VGLL4: variants seen among roughly 807,000 people sequenced by gnomAD.
VGLL4 encodes vestigial like family member 4.
VGLL4 carries 7 observed loss-of-function variants against 21.0 expected under a neutral mutation model. That is an observed-to-expected ratio of 0.33 (90% CI 0.19 to 0.63). VGLL4 has a LOEUF of 0.63. Ranked by LOEUF, VGLL4 falls within the 20% of genes least tolerant of loss-of-function variation. The pLI is 0.78. For synonymous variants in VGLL4, 222 were observed against 173.2 expected (o/e 1.28, Z -2.21); for missense variants, 394 against 425.7 (o/e 0.93, Z 0.66).
upstream of VGLL4, among the ~76,000 whole-genome samples, chr3:11,646,324 T>G (rs139281316): frequency 8.3e-3 from 1,271 of 152,326 alleles, 7 homozygotes; most frequent in Admixed American, 0.012. Flanking sequence ...TGGAGTACTC[T>G]TACTGTGCTA....
chr3:11,641,378 G>A (rs960280452), intron 1 of VGLL4, among the ~76,000 whole-genome samples: 1 of 152,056 alleles, frequency 6.6e-6, no homozygotes, highest in African/African-American at 2.4e-5. Flanking sequence ...TGGAATGCTG[G>A]GGAGCTGATA....
At chr3:11,590,302 C>A (rs1177438118) in intron 2 of VGLL4, among the ~76,000 whole-genome samples, 2 of 152,178 alleles carry the variant, frequency 1.3e-5, no homozygotes, top group African/African-American at 4.8e-5. Flanking sequence ...GATTTCAGTT[C>A]TCAGATGTGC....
chr3:11,712,084 T>A (rs533004762), intron 1 of VGLL4, among the ~76,000 whole-genome samples: 2 of 152,210 alleles, frequency 1.3e-5, no homozygotes, highest in African/African-American at 2.4e-5. Flanking sequence ...GCTAAAAATA[T>A]CTCTCATTTG....
chr3:11,601,116 T>A (rs188300164), intron 2 of VGLL4, among the ~76,000 whole-genome samples: 1 of 152,258 alleles, frequency 6.6e-6, no homozygotes, highest in Non-Finnish European at 1.5e-5. Flanking sequence ...AGCGGGAGGC[T>A]TTTCCAGTGG....
chr3:11,677,926 G>A (rs113092340), intron 2 of VGLL4, among the ~76,000 whole-genome samples: 2 of 120,838 alleles, frequency 1.7e-5, no homozygotes, highest in Non-Finnish European at 3.7e-5. Context: ...AAAAAAAAAA[G>A]GAAAAGAAAA....
intron 3 of VGLL4, among the ~76,000 whole-genome samples, chr3:11,561,828 G>C (rs188424015): frequency 6.6e-6 from 1 of 151,776 alleles, no homozygotes; most frequent in Non-Finnish European, 1.5e-5. Flanking sequence ...AGGCTGCCCC[G>C]GGGGAGAGGG....
chr3:11,696,634 TA>T, intron 2 of VGLL4, among the ~76,000 whole-genome samples: 1 of 152,354 alleles, frequency 6.6e-6, no homozygotes, highest in South Asian at 2.1e-4. Flanking sequence ...AAAATCAATG[TA>T]AGGAGCCATG....
chr3:11,632,511 A>G (rs1055700486), intron 1 of VGLL4, among the ~76,000 whole-genome samples: 2 of 152,200 alleles, frequency 1.3e-5, no homozygotes, highest in Non-Finnish European at 2.9e-5. Context: ...TTAACAGATC[A>G]AGGAAAAAAA....
At chr3:11,702,709 G>A (rs538889693) in intron 2 of VGLL4, 5 of 178,974 alleles carry the variant, frequency 2.8e-5, no homozygotes, top group South Asian at 2.6e-4. Flanking sequence ...ACCAGCCTGG[G>A]CAACACAGCA....
intron 2 of VGLL4, among the ~76,000 whole-genome samples, chr3:11,698,613 T>C (rs146996690): frequency 2.2e-4 from 34 of 152,306 alleles, no homozygotes; most frequent in African/African-American, 7.5e-4. Flanking sequence ...AATCTCAAGT[T>C]GTATTTCCAT....
rs920357243 is a variant in VGLL4 at position 11,719,248 on chromosome 3, G to A, written c.-14+1146C>T. Among the ~76,000 whole-genome samples, 9 of 152,004 alleles carry A rather than the reference G, an allele frequency of 5.9e-5. No individual in the cohort carries two copies. Among genetic ancestry groups the A allele is most frequent in the Admixed American group, 6.5e-5 (1 of 15,282 alleles). On this transcript the variant is annotated intron_variant, in intron 1 of 5. Transcript: ENST00000273038. This position sits in a 1 kb window ranked among gnomAD's most constrained non-coding sequence, Gnocchi z 4.0. ...CCCAGGACGTCCTCCGGGAGCCTAG[G>A]CGCTTCCGCTCCCACCGGCGCCTCC...
At chr3:11,691,240 G>C (rs558198188) in intron 2 of VGLL4, among the ~76,000 whole-genome samples, 29 of 149,390 alleles carry the variant, frequency 1.9e-4, no homozygotes, top group Non-Finnish European at 2.2e-4. Flanking sequence ...GCACATACTA[G>C]ATAGATACTT....
chr3:11,601,396 G>A (rs2074793500), intron 2 of VGLL4, among the ~76,000 whole-genome samples: 1 of 152,208 alleles, frequency 6.6e-6, no homozygotes, highest in Non-Finnish European at 1.5e-5. Context: ...AGACTCCTGA[G>A]TAAGAACTTT....
intron 2 of VGLL4, among the ~76,000 whole-genome samples, chr3:11,571,493 G>C (rs1207005804): frequency 6.6e-6 from 1 of 152,000 alleles, no homozygotes; most frequent in Non-Finnish European, 1.5e-5. Context: ...AGACCAGCCT[G>C]GGCAACATGG....
At chr3:11,619,698 C>T (rs1559904239) in intron 1 of VGLL4, among the ~76,000 whole-genome samples, 1 of 152,118 alleles carries the variant, frequency 6.6e-6, no homozygotes, top group Non-Finnish European at 1.5e-5. Flanking sequence ...TTGATGATTA[C>T]ACAATATTCC....
chr3:11,622,759 G>A (rs1401503793), intron 1 of VGLL4, among the ~76,000 whole-genome samples: 1 of 152,150 alleles, frequency 6.6e-6, no homozygotes, highest in East Asian at 1.9e-4. Flanking sequence ...CTCTTTGTCA[G>A]TCTCACTTCA....
intron 1 of VGLL4, among the ~76,000 whole-genome samples, chr3:11,621,550 C>T (rs1283514670): frequency 1.3e-5 from 2 of 152,106 alleles, no homozygotes; most frequent in African/African-American, 2.4e-5. Flanking sequence ...ATGGAGAAAC[C>T]GCATTTTATC....
intron 2 of VGLL4, among the ~76,000 whole-genome samples, chr3:11,696,232 A>G (rs2076605214): frequency 1.3e-5 from 2 of 152,240 alleles, no homozygotes; most frequent in African/African-American, 2.4e-5. Flanking sequence ...CCAGGGCACC[A>G]GAGGACTTGG....
chr3:11,588,192 G>A (rs9867102), intron 2 of VGLL4, among the ~76,000 whole-genome samples: 6,846 of 152,258 alleles, frequency 0.045, 550 homozygotes, highest in African/African-American at 0.15. Context: ...CTCAGCACCT[G>A]GTTGGTGTCA....
Sources: gnomAD v4.1 joint callset for allele counts (sites outside exome capture counted in the v4.1 genomes callset) on GRCh38, gnomAD v4.1.1 for gene constraint, Gnocchi (gnomAD v3.1) non-coding constraint, MANE v1.5 for transcripts, NCBI Gene and HGNC (gene_info 2026-07-23, HGNC 2026-07-21) for gene names.